Variants in SNTG1 observed in about 807,000 individuals in gnomAD.
SNTG1 encodes gamma-1-syntrophin.
SNTG1 carries 39 observed loss-of-function variants against 74.7 expected under a neutral mutation model. The observed-to-expected ratio is 0.52, with a 90% confidence interval of 0.40 to 0.68. SNTG1 has a LOEUF of 0.68. Ranked by LOEUF, SNTG1 falls within the 30% of genes least tolerant of loss-of-function variation. The pLI is 0.00. For missense variants in SNTG1, 685 were observed against 609.5 expected (o/e 1.12, Z -1.30); for synonymous variants, 254 against 217.1 (o/e 1.17, Z -1.49).
At chr8:50,729,620 A>G (rs1390306607) in intron 17 of SNTG1, among the ~76,000 whole-genome samples, 1 of 152,176 alleles carries the variant, frequency 6.6e-6, no homozygotes, top group Non-Finnish European at 1.5e-5. Flanking sequence ...TGAGAACTAC[A>G]CCTAGCATGA....
chr8:50,283,080 G>A (rs2088569106), intron 2 of SNTG1, among the ~76,000 whole-genome samples: 1 of 152,124 alleles, frequency 6.6e-6, no homozygotes, highest in Admixed American at 6.6e-5. Flanking sequence ...TAAGGAAAAA[G>A]AAAGGGAAAA....
In SNTG1 at chr8:50,701,586, C is replaced by CT. The variant is rs2095423842; in HGVS notation, c.1039-3013dup. Reference sequence around the variant, plus strand: ...ATTGTGATATAATACCTTTTTCTTCCTCTTCTTCTTCTTCTTCTTCTTCTT... The same window carrying CT: ...ATTGTGATATAATACCTTTTTCTTCCTTCTTCTTCTTCTTCTTCTTCTTCTT... On this transcript the variant is annotated intron_variant, in intron 15 of 18. Coordinates refer to ENST00000642720, the MANE Select transcript of SNTG1 (RefSeq NM_018967.5). Among the ~76,000 whole-genome samples the CT allele has an allele frequency of 6.9e-5, 10 of 145,308 alleles. 1 individual carries two copies. The highest frequency in any genetic ancestry group is 3.5e-3 in the Middle Eastern group (1 of 288).
chr8:50,646,804 C>A (rs1486557135), intron 13 of SNTG1, among the ~76,000 whole-genome samples: 2 of 152,140 alleles, frequency 1.3e-5, no homozygotes, highest in Non-Finnish European at 2.9e-5. Context: ...CTCGTATTAT[C>A]CAACCTCAAA....
chr8:50,690,261 G>T (rs1282676333), intron 15 of SNTG1, among the ~76,000 whole-genome samples: 1 of 152,020 alleles, frequency 6.6e-6, no homozygotes, highest in Non-Finnish European at 1.5e-5. Context: ...GTTCTGCTCT[G>T]ATCTTAGTTA....
intron 1 of SNTG1, among the ~76,000 whole-genome samples, chr8:50,097,658 A>C (rs1407108161): frequency 6.6e-6 from 1 of 152,166 alleles, no homozygotes; most frequent in African/African-American, 2.4e-5. Context: ...TCTCAAAAAA[A>C]AAAACAAAAA....
chr8:50,684,625 A>G (rs1220859971), intron 15 of SNTG1, among the ~76,000 whole-genome samples: 3 of 152,126 alleles, frequency 2.0e-5, no homozygotes, highest in East Asian at 3.8e-4. Context: ...AATGATAATT[A>G]CATTCTACAT....
chr8:49,942,017 A>G (rs773632881), intron 1 of SNTG1, among the ~76,000 whole-genome samples: 8 of 152,226 alleles, frequency 5.3e-5, no homozygotes, highest in Non-Finnish European at 1.2e-4. Context: ...GAGAATGTAC[A>G]CAAATAATTA....
intron 2 of SNTG1, among the ~76,000 whole-genome samples, chr8:50,207,035 G>A (rs1437859700): frequency 6.6e-6 from 1 of 151,972 alleles, no homozygotes; most frequent in Non-Finnish European, 1.5e-5. Context: ...GTCTTTTTTT[G>A]TTGTGTCTCT....
chr8:50,526,682 C>T (rs1563525267), intron 9 of SNTG1, among the ~76,000 whole-genome samples: 1 of 151,750 alleles, frequency 6.6e-6, no homozygotes, highest in East Asian at 1.9e-4. Context: ...ATGGAGTCTC[C>T]CCCTGTTGCC....
At chr8:49,935,308 C>A (rs1005399453) in intron 1 of SNTG1, among the ~76,000 whole-genome samples, 1 of 150,100 alleles carries the variant, frequency 6.7e-6, no homozygotes. Flanking sequence ...TGGAGAGCAA[C>A]CTACTCCGAT....
chr8:50,050,294 T>C (rs534566896), intron 1 of SNTG1, among the ~76,000 whole-genome samples: 1 of 151,996 alleles, frequency 6.6e-6, no homozygotes, highest in Admixed American at 6.6e-5. Context: ...TGGACATTCA[T>C]AGAGTAGTAA....
intron 1 of SNTG1, among the ~76,000 whole-genome samples, chr8:50,084,876 A>G (rs1822734761): frequency 6.6e-6 from 1 of 152,324 alleles, no homozygotes; most frequent in African/African-American, 2.4e-5. Context: ...ATTTTATGAC[A>G]CAGCAAGAAG....
chr8:50,642,360 C>T (rs2095078957), intron 13 of SNTG1, among the ~76,000 whole-genome samples: 5 of 152,130 alleles, frequency 3.3e-5, no homozygotes. Flanking sequence ...GCAATCCAGT[C>T]AAAACGCACA....
chr8:50,165,513 T>C (rs925946377), intron 1 of SNTG1, among the ~76,000 whole-genome samples: 3 of 152,232 alleles, frequency 2.0e-5, no homozygotes, highest in Admixed American at 1.3e-4. Context: ...CTTTTGTATC[T>C]GGAAAGAGTA....
intron 9 of SNTG1, among the ~76,000 whole-genome samples, chr8:50,506,015 G>C (rs927587768): frequency 6.6e-6 from 1 of 151,918 alleles, no homozygotes; most frequent in African/African-American, 2.4e-5. Flanking sequence ...TTTGTGTTGA[G>C]TCAATTTTTA....
At chr8:50,696,736 C>T (rs1369208803) in intron 15 of SNTG1, among the ~76,000 whole-genome samples, 3 of 151,892 alleles carry the variant, frequency 2.0e-5, no homozygotes, top group East Asian at 3.9e-4. Flanking sequence ...ACAAAGTTCA[C>T]TTGGCTGTGG....
intron 16 of SNTG1, chr8:50,707,866 G>T: frequency 5.1e-6 from 2 of 388,788 alleles, no homozygotes; most frequent in South Asian, 2.8e-4. Flanking sequence ...TTTCATATTT[G>T]ATTTATATCC....
chr8:50,004,118 T>C (rs1272193146), intron 1 of SNTG1, among the ~76,000 whole-genome samples: 1 of 152,130 alleles, frequency 6.6e-6, no homozygotes. Flanking sequence ...GCCTGAGTTA[T>C]ATGAACCTAC....
At chr8:50,512,811 A>G (rs1035936480) in intron 9 of SNTG1, among the ~76,000 whole-genome samples, 6 of 151,976 alleles carry the variant, frequency 3.9e-5, no homozygotes, top group Non-Finnish European at 8.8e-5. Context: ...TTAGTTAGCC[A>G]TTCATCTAAT....
Sources: gnomAD v4.1 joint callset for allele counts (sites outside exome capture counted in the v4.1 genomes callset) on GRCh38, gnomAD v4.1.1 for gene constraint, MANE v1.5 for transcripts, NCBI Gene and HGNC (gene_info 2026-07-23, HGNC 2026-07-21) for gene names.